PLEC: variants seen among roughly 807,000 people sequenced by gnomAD.
The protein encoded by PLEC is hemidesmosomal protein 1.
PLEC carries 216 observed loss-of-function variants against 392.8 expected under a neutral mutation model. The observed-to-expected ratio is 0.55, with a 90% CI of 0.49 to 0.62. PLEC has a LOEUF of 0.62. Among genes scored for constraint, PLEC ranks in the 20% least tolerant of loss-of-function variants. PLEC has a pLI of 0.00. For synonymous variants in PLEC, 3,621 were observed against 2,980.6 expected (o/e 1.21, Z -7.00); for missense variants, 6,863 against 6,563.4 (o/e 1.05, Z -1.58).
Position 143,933,051 on chromosome 8 carries a change from C to T in PLEC, c.1479G>A (p.Lys493=). The T allele has an allele frequency of 1.3e-6, 2 of 1,593,660 alleles. No homozygotes were observed. Among genetic ancestry groups the T allele is most frequent in the Non-Finnish European group, 1.7e-6 (2 of 1,171,554 alleles). Residue 493 remains lysine, a synonymous_variant, in exon 14 of 32, where the codon AAG becomes AAA. Coordinates refer to ENST00000345136, the MANE Select transcript of PLEC (RefSeq NM_201384.3). ...AIRTEYNLRL[K]AGVAAPATQV... ...GGGTTGCAGGGGCCGCCACGCCTGC[C>T]TTCAGCCGTAGGTTGTACTCGGTGC...
At position 143,920,504 on chromosome 8, in the gene PLEC, C is replaced by T. The variant is rs374190410; in HGVS notation, c.9317G>A (p.Arg3106Lys). The T allele has an allele frequency of 5.6e-6, 9 of 1,610,686 alleles. No individual in the cohort carries two copies. The African/African-American group carries it at 9.3e-5, about 17-fold the overall frequency. ...LSAEKAVTGY[R>K]DPYTGQSVSL... ...GACGCTCTGCCCTGTGTAGGGGTCC[C>T]TGTACCCTGTCACAGCCTTCTCGGC... is the stretch of plus-strand genomic sequence containing the variant. Residue 3106 changes from arginine (R) to lysine (K), a missense_variant, in exon 32 of 32, where the codon AGG becomes AAG. Transcript: ENST00000345136.
Position 143,939,546 on chromosome 8 carries a change from G to T in PLEC, c.-85C>A. 1 of 1,540,728 alleles carries T rather than the reference G, an allele frequency of 6.5e-7. No homozygotes were observed. ...CCCGTGTGGCACACAGGCAGCTGAA[G>T]GCTGGCGGCCCCACGAGACGCTCAC... On this transcript the variant is annotated 5_prime_UTR_variant, in exon 1 of 32. Coordinates refer to ENST00000345136, the MANE Select transcript of PLEC (RefSeq NM_201384.3).
At position 143,927,793 on chromosome 8, in the gene PLEC, G is replaced by A. The variant is rs374833773; in HGVS notation, c.3400-27C>T. On this transcript the variant is annotated intron_variant, in intron 26 of 31. Transcript: ENST00000345136. Reference sequence around the variant, plus strand: ...TGTTGGGGACAGGAGGGACATGTGCGGCTTCAGCTGGGCCCGCTGTACCCC... The same window carrying A: ...TGTTGGGGACAGGAGGGACATGTGCAGCTTCAGCTGGGCCCGCTGTACCCC... 5.6e-5 allele frequency: 89 copies of A among 1,588,102 alleles called. No homozygotes were observed. In the African/African-American group the frequency reaches 8.6e-4, roughly 15 times the overall value.
At chr8:143,950,096 A>G in intron 1 of PLEC, 2 of 1,430,616 alleles carry the variant, frequency 1.4e-6, no homozygotes, top group Admixed American at 2.9e-5. Context: ...GACCACTCCA[A>G]CCACTCCAGC....
At chr8:143,943,703 C>T (rs1830920550), upstream of PLEC, 2 of 1,358,676 alleles carry the variant, frequency 1.5e-6, no homozygotes, top group Admixed American at 1.9e-5. Flanking sequence ...GGGGAGGGCG[C>T]AGGGAATGAA....
chr8:143,962,710 G>A (rs973300499), intron 1 of PLEC, among the ~76,000 whole-genome samples: 5 of 152,202 alleles, frequency 3.3e-5, no homozygotes, highest in African/African-American at 9.7e-5. Context: ...AAACTTCGCC[G>A]AACTGTGTTC....
At chr8:143,976,303 T>C (rs1314632064), upstream of PLEC, among the ~76,000 whole-genome samples, 6 of 152,144 alleles carry the variant, frequency 3.9e-5, no homozygotes, top group East Asian at 1.2e-3. Flanking sequence ...TGGGGCTCTG[T>C]CTCGGAGGGG....
At position 143,929,441 on chromosome 8, in the gene PLEC, C is replaced by G; in HGVS notation, c.3054G>C (p.Glu1018Asp). The G allele has an allele frequency of 1.3e-6, 2 of 1,580,968 alleles. No individual in the cohort carries two copies. Among genetic ancestry groups the G allele is most frequent in the Non-Finnish European group, 1.7e-6 (2 of 1,165,416 alleles). ...RLPLDKEPAR[E>D]CAQRIAEQQK... The stretch of plus-strand genomic sequence containing the variant: ...GCTGCTCGGCGATGCGCTGGGCACA[C>G]TCCCGTGCCGGCTCTTTGTCCAGCG... Residue 1018 changes from glutamate (E) to aspartate (D), a missense_variant, in exon 24 of 32, where the codon GAG becomes GAC. Coordinates refer to ENST00000345136, the MANE Select transcript of PLEC (RefSeq NM_201384.3).
intron 10 of PLEC, 34 bp downstream of exon 10, chr8:143,934,601 G>C: frequency 6.2e-7 from 1 of 1,605,914 alleles, no homozygotes. Context: ...GGGCGTTCCA[G>C]GACACCACCC....
At chr8:143,957,294 A>G (rs1474543977), upstream of PLEC, among the ~76,000 whole-genome samples, 3 of 152,104 alleles carry the variant, frequency 2.0e-5, no homozygotes, top group Non-Finnish European at 4.4e-5. Context: ...ATGGATCACA[A>G]AGGAGTCTTG....
At chr8:143,975,711 CACTG>C (rs1239083769), upstream of PLEC, among the ~76,000 whole-genome samples, 1 of 152,044 alleles carries the variant, frequency 6.6e-6, no homozygotes, top group Admixed American at 6.6e-5. This position sits in a 1 kb window ranked among gnomAD's most constrained non-coding sequence, Gnocchi z 9.9. Flanking sequence ...CACTCCCACA[CACTG>C]ACTGCCACTC....
chr8:143,922,525 C>G lies in PLEC; in HGVS notation c.7404G>C (p.Leu2468=), dbSNP rs2131260376. The G allele has an allele frequency of 6.2e-7, 1 of 1,611,190 alleles. No homozygotes were observed. The change falls in exon 31 of 32, where the codon CTG becomes CTC. Residue 2468 remains leucine, a synonymous_variant. Coordinates refer to ENST00000345136, the MANE Select transcript of PLEC (RefSeq NM_201384.3). ...EKEKLQQEAK[L]LQLKSEEMQT... The stretch of plus-strand genomic sequence containing the variant: ...GTACCTCCTCAGACTTGAGCTGCAG[C>G]AGTTTGGCCTCCTGTTGGAGCTTCT...
Position 143,918,191 on chromosome 8 carries a change from A to G in PLEC, c.11630T>C (p.Leu3877Pro). The G allele has an allele frequency of 6.3e-7, 1 of 1,589,906 alleles. No individual in the cohort carries two copies. Among genetic ancestry groups the G allele is most frequent in the South Asian group, 1.1e-5 (1 of 90,584 alleles). Reference protein sequence around the residue: ...DDGTGQLLLPLSDARKLTFRG... With the variant: ...DDGTGQLLLPPSDARKLTFRG... ...GAAGGTCAGCTTGCGGGCGTCCGACAGTGGCAGGAGCAGCTGGCCGGTGCC... is the reference window on the plus strand; with the variant it reads ...GAAGGTCAGCTTGCGGGCGTCCGACGGTGGCAGGAGCAGCTGGCCGGTGCC... Residue 3877 changes from leucine (L) to proline (P), a missense_variant, in exon 32 of 32, where the codon CTG becomes CCG. Leu to Pro is a moderately conservative substitution (Grantham distance 98, BLOSUM62 -3). Coordinates refer to ENST00000345136, the MANE Select transcript of PLEC (RefSeq NM_201384.3).
chr8:143,920,887 G>A lies in PLEC; in HGVS notation c.8934C>T (p.Arg2978=). 6.2e-7 allele frequency: 1 copy of A among 1,611,578 alleles called. No individual in the cohort carries two copies. Among genetic ancestry groups the A allele is most frequent in the South Asian group, 1.1e-5 (1 of 91,082 alleles). ...QKGRLCFEGL[R]SLVPAAELLE... ...GCAGCTCGGCGGCTGGCACCAGGCT[G>A]CGCAGGCCCTCAAAGCAAAGCCGGC... Residue 2978 remains arginine (R), a synonymous_variant, in exon 32 of 32, where the codon CGC becomes CGT. Coordinates refer to ENST00000345136, the MANE Select transcript of PLEC (RefSeq NM_201384.3).
intron 1 of PLEC, among the ~76,000 whole-genome samples, chr8:143,964,487 C>T (rs1832996117): frequency 6.6e-6 from 1 of 152,162 alleles, no homozygotes; most frequent in Non-Finnish European, 1.5e-5. Context: ...GCCACGAGCC[C>T]AGGCACCGAT....
rs782208529 is a variant in PLEC, at chr8:143,935,124, G to A, written c.719-7C>T. 7.4e-6 allele frequency: 12 copies of A among 1,612,766 alleles called. No homozygotes were observed. Among genetic ancestry groups the A allele is most frequent in the Admixed American group, 6.7e-5 (4 of 60,006 alleles). On this transcript the variant is annotated splice_polypyrimidine_tract_variant and splice_region_variant and intron_variant, in intron 7 of 31. Transcript: ENST00000345136. Reference sequence around the variant, plus strand: ...GGCTGAGGGACATCCACGTCTGCAGGGAAGGGCAGCTCAGCGGTGGCTCTG... The same window carrying A: ...GGCTGAGGGACATCCACGTCTGCAGAGAAGGGCAGCTCAGCGGTGGCTCTG...
chr8:143,916,525 G>C lies in PLEC; in HGVS notation c.13296C>G (p.Ser4432=), dbSNP rs782293225. 6.2e-7 allele frequency: 1 copy of C among 1,611,824 alleles called. No individual in the cohort carries two copies. Residue 4432 remains serine, a synonymous_variant, in exon 32 of 32, where the codon TCC becomes TCG. Coordinates refer to ENST00000345136, the MANE Select transcript of PLEC (RefSeq NM_201384.3). ...TGGTCTTAGGGCAGGTGAGGTACTTGGAGTAGGCGCCCACGTCACGCAGCT... is the reference window on the plus strand; with the variant it reads ...TGGTCTTAGGGCAGGTGAGGTACTTCGAGTAGGCGCCCACGTCACGCAGCT... The part of the protein sequence containing the change: ...AQKLRDVGAY[S]KYLTCPKTKL...
At chr8:143,973,633 C>A (rs1352490530), upstream of PLEC, 1 of 706,108 alleles carries the variant, frequency 1.4e-6, no homozygotes, top group Non-Finnish European at 1.7e-6. The surrounding 1 kb of genome is among the most constrained non-coding windows in gnomAD (Gnocchi z 5.6). Context: ...CCGGGGCCGC[C>A]GCGGCCGGGC....
rs782263560 is a variant in PLEC, at chr8:143,932,189, G to A, written c.2023C>T (p.Leu675Phe). ...AGCAGCCGGTCCCCAGCATTTTGGAGCTCCTTGATCTTCTTCTCCTTCAGC... is the reference window on the plus strand; with the variant it reads ...AGCAGCCGGTCCCCAGCATTTTGGAACTCCTTGATCTTCTTCTCCTTCAGC... ...LELKEKKIKE[L>F]QNAGDRLLRE... Residue 675 changes from leucine (L) to phenylalanine (F), a missense_variant, in exon 17 of 32, where the codon CTC becomes TTC. By Grantham distance (22) the Leu-to-Phe change is conservative. Transcript: ENST00000345136. 1.2e-6 allele frequency: 2 copies of A among 1,612,276 alleles called. No homozygotes were observed. Among genetic ancestry groups the A allele is most frequent in the Admixed American group, 3.3e-5 (2 of 59,998 alleles).
Sources: gnomAD v4.1 joint callset for allele counts (sites outside exome capture counted in the v4.1 genomes callset) on GRCh38, gnomAD v4.1.1 for gene constraint, Gnocchi (gnomAD v3.1) non-coding constraint, MANE v1.5 for transcripts, NCBI Gene and HGNC (gene_info 2026-07-23, HGNC 2026-07-21) for gene names.